Variants in CHSY3 observed in about 807,000 individuals in gnomAD.
The protein encoded by CHSY3 is chondroitin sulfate synthase 3.
A neutral mutation model predicts 67.2 loss-of-function variants in CHSY3; 35 were observed. That is an observed-to-expected ratio of 0.52 (90% CI 0.40 to 0.69). The LOEUF (loss-of-function observed/expected upper bound fraction) is 0.69, where lower values mean the gene tolerates loss of function less well. Ranked by LOEUF, CHSY3 falls within the 30% of genes least tolerant of loss-of-function variation. CHSY3 has a pLI of 0.00. For missense variants in CHSY3, 1,069 were observed against 1,138.5 expected (o/e 0.94, Z 0.88); for synonymous variants, 474 against 434.7 (o/e 1.09, Z -1.12).
At chr5:130,001,028 G>C (rs1033443210) in intron 2 of CHSY3, among the ~76,000 whole-genome samples, 1 of 151,618 alleles carries the variant, frequency 6.6e-6, no homozygotes, top group Admixed American at 6.6e-5. Context: ...GTAGCTGAGT[G>C]GTGGCACACG....
chr5:130,071,308 C>T (rs1451044063), intron 2 of CHSY3, among the ~76,000 whole-genome samples: 2 of 151,952 alleles, frequency 1.3e-5, no homozygotes, highest in Non-Finnish European at 2.9e-5. Flanking sequence ...TGGACTTTTA[C>T]GTTTATATGT....
chr5:130,050,559 C>G (rs1765310697), intron 2 of CHSY3, among the ~76,000 whole-genome samples: 2 of 152,072 alleles, frequency 1.3e-5, no homozygotes, highest in Non-Finnish European at 2.9e-5. Flanking sequence ...AGAATTTACT[C>G]TCTATGGAAG....
At chr5:130,008,517 C>T (rs970857097) in intron 2 of CHSY3, among the ~76,000 whole-genome samples, 2 of 152,182 alleles carry the variant, frequency 1.3e-5, no homozygotes, top group Non-Finnish European at 1.5e-5. Context: ...ATCAGCCTAA[C>T]AGATGGAAAA....
chr5:130,001,635 A>G, intron 2 of CHSY3: 1 of 830,480 alleles, frequency 1.2e-6, no homozygotes, highest in Non-Finnish European at 1.5e-6. Flanking sequence ...CTTCTAGTTA[A>G]GGAGTAGGAT....
intron 2 of CHSY3, among the ~76,000 whole-genome samples, chr5:130,160,891 A>ATTTTT (rs1171885849): frequency 1.4e-5 from 2 of 138,256 alleles, no homozygotes; most frequent in African/African-American, 6.0e-5. Flanking sequence ...TTATTTATTT[A>ATTTTT]TTTATTTTTT....
At chr5:129,929,158 TA>T (rs1468597862) in intron 2 of CHSY3, among the ~76,000 whole-genome samples, 2 of 152,312 alleles carry the variant, frequency 1.3e-5, no homozygotes, top group African/African-American at 2.4e-5. Context: ...GGTCAGACAG[TA>T]AAGGCCCAGA....
intron 2 of CHSY3, among the ~76,000 whole-genome samples, chr5:129,943,626 C>T (rs1167583789): frequency 6.6e-6 from 1 of 152,022 alleles, no homozygotes; most frequent in South Asian, 2.1e-4. Flanking sequence ...TCCCTTTAAA[C>T]GTATTTCGTA....
intron 2 of CHSY3, among the ~76,000 whole-genome samples, chr5:130,010,284 C>T (rs1764016922): frequency 6.6e-6 from 1 of 152,170 alleles, no homozygotes; most frequent in Non-Finnish European, 1.5e-5. Flanking sequence ...CAGCCATACT[C>T]TTGGACCACA....
chr5:129,957,368 G>A (rs550377841), intron 2 of CHSY3, among the ~76,000 whole-genome samples: 4 of 16,390 alleles, frequency 2.4e-4, no homozygotes, highest in South Asian at 9.6e-3. Context: ...CTTTTGAGCC[G>A]AGACTGGGGT....
At chr5:129,930,840 C>G (rs888758954) in intron 2 of CHSY3, among the ~76,000 whole-genome samples, 1 of 152,154 alleles carries the variant, frequency 6.6e-6, no homozygotes, top group Non-Finnish European at 1.5e-5. Context: ...GATTGAGCAT[C>G]TCTTCTACCC....
intron 2 of CHSY3, among the ~76,000 whole-genome samples, chr5:130,132,471 T>C (rs774004312): frequency 3.3e-5 from 5 of 152,150 alleles, no homozygotes; most frequent in Admixed American, 6.5e-5. Context: ...AACAAATTAT[T>C]GCAATGTAAT....
At chr5:130,078,697 A>G (rs1766350197) in intron 2 of CHSY3, among the ~76,000 whole-genome samples, 1 of 152,186 alleles carries the variant, frequency 6.6e-6, no homozygotes, top group Non-Finnish European at 1.5e-5. Flanking sequence ...TTAAAAACAC[A>G]AAATACAAAG....
At chr5:129,907,591 C>T (rs927367119) in intron 1 of CHSY3, among the ~76,000 whole-genome samples, 11 of 152,180 alleles carry the variant, frequency 7.2e-5, no homozygotes, top group Admixed American at 4.6e-4. Flanking sequence ...TTGATTCAAA[C>T]ATCCTCCAAA....
chr5:129,918,591 A>C (rs1760808432), intron 2 of CHSY3, among the ~76,000 whole-genome samples: 1 of 152,148 alleles, frequency 6.6e-6, no homozygotes, highest in Non-Finnish European at 1.5e-5. Context: ...TGCCTCCTCC[A>C]AACTGGAAGT....
At chr5:130,065,501 C>A (rs1765856265) in intron 2 of CHSY3, among the ~76,000 whole-genome samples, 1 of 152,046 alleles carries the variant, frequency 6.6e-6, no homozygotes, top group Admixed American at 6.6e-5. Context: ...ATGGAGTACA[C>A]TAGGGCCCAT....
At chr5:130,067,312 C>T (rs1765914682) in intron 2 of CHSY3, among the ~76,000 whole-genome samples, 1 of 152,134 alleles carries the variant, frequency 6.6e-6, no homozygotes, top group Non-Finnish European at 1.5e-5. Flanking sequence ...AGATGTGTCA[C>T]CATAGTTCTG....
At chr5:129,909,161 A>G (rs1760440015) in intron 2 of CHSY3, among the ~76,000 whole-genome samples, 2 of 152,120 alleles carry the variant, frequency 1.3e-5, no homozygotes. Context: ...AAATGTAATA[A>G]CATTTTATTT....
intron 2 of CHSY3, among the ~76,000 whole-genome samples, chr5:129,990,592 T>G (rs1763333342): frequency 1.3e-5 from 2 of 152,196 alleles, no homozygotes; most frequent in Non-Finnish European, 2.9e-5. Context: ...ACTGTCTGGT[T>G]GTATTAATGC....
chr5:130,033,840 T>A (rs1344708556), intron 2 of CHSY3, among the ~76,000 whole-genome samples: 3 of 152,204 alleles, frequency 2.0e-5, no homozygotes, highest in African/African-American at 4.8e-5. Context: ...CTGGTCTTTC[T>A]ATTAGTACAA....
Sources: allele counts gnomAD v4.1 joint callset (sites outside exome capture counted in the v4.1 genomes callset), GRCh38; gene constraint gnomAD v4.1.1; transcripts MANE v1.5; gene names NCBI Gene and HGNC (gene_info 2026-07-23, HGNC 2026-07-21).